The following THSD4 variants were observed in gnomAD, a reference collection of about 807,000 sequenced individuals.
THSD4 encodes the protein thrombospondin type-1 domain-containing protein 4.
A neutral mutation model predicts 119.0 loss-of-function variants in THSD4; 69 were observed. The ratio of observed to expected loss-of-function variants is 0.58; its 90% CI spans 0.48 to 0.71. The LOEUF (loss-of-function observed/expected upper bound fraction) is 0.71, where lower values mean the gene tolerates loss of function less well. THSD4 is among the 30% of genes least tolerant of loss of function. The pLI is 0.00. For synonymous variants in THSD4, 524 were observed against 540.4 expected, an observed-to-expected ratio of 0.97 and a Z score of 0.42; for missense variants, 1,393 against 1,391.1, an observed-to-expected ratio of 1.00 and a Z score of -0.02.
At chr15:71,275,778 A>G (rs2044582253) in intron 6 of THSD4, among the ~76,000 whole-genome samples, 1 of 151,994 alleles carries the variant, frequency 6.6e-6, no homozygotes, top group South Asian at 2.1e-4. Flanking sequence ...TTCTCACGGG[A>G]TCTGTTGGTT....
At chr15:71,669,694 C>T (rs1182921800) in intron 8 of THSD4, among the ~76,000 whole-genome samples, 3 of 152,126 alleles carry the variant, frequency 2.0e-5, no homozygotes, top group East Asian at 3.9e-4. Flanking sequence ...ATTCTAGGTA[C>T]GTTCAGTTGC....
chr15:71,737,275 A>G (rs1595903986), intron 10 of THSD4, among the ~76,000 whole-genome samples: 1 of 152,266 alleles, frequency 6.6e-6, no homozygotes, highest in East Asian at 1.9e-4. Context: ...ATTTCCCTCC[A>G]AAACCATGGA....
intron 7 of THSD4, among the ~76,000 whole-genome samples, chr15:71,475,953 A>G (rs1395160231): frequency 6.6e-6 from 1 of 152,154 alleles, no homozygotes; most frequent in Non-Finnish European, 1.5e-5. Flanking sequence ...TTTATTTTTT[A>G]AAAGAAGTGG....
intron 3 of THSD4, among the ~76,000 whole-genome samples, chr15:71,180,044 A>G: frequency 8.0e-6 from 1 of 125,424 alleles, no homozygotes; most frequent in Non-Finnish European, 1.7e-5. Flanking sequence ...CTAATGCTAG[A>G]TGACGAGTTA....
chr15:71,703,972 C>T (rs1476473149), intron 8 of THSD4, among the ~76,000 whole-genome samples: 1 of 152,146 alleles, frequency 6.6e-6, no homozygotes, highest in South Asian at 2.1e-4. Flanking sequence ...GCCTCAGCCT[C>T]CCGAGTAGCT....
intron 15 of THSD4, among the ~76,000 whole-genome samples, chr15:71,758,864 T>C (rs1034886560): frequency 2.0e-5 from 3 of 152,192 alleles, no homozygotes; most frequent in African/African-American, 7.2e-5. Flanking sequence ...TCCTTGTAAA[T>C]TGACACAAGC....
chr15:71,496,260 A>C (rs1048078282), intron 7 of THSD4, among the ~76,000 whole-genome samples: 1 of 152,212 alleles, frequency 6.6e-6, no homozygotes, highest in East Asian at 1.9e-4. Context: ...TTAATGTTTC[A>C]TATTAAAAAT....
chr15:71,508,687 T>G (rs2140749859), intron 7 of THSD4, among the ~76,000 whole-genome samples: 1 of 152,302 alleles, frequency 6.6e-6, no homozygotes, highest in African/African-American at 2.4e-5. Context: ...GAGATACATT[T>G]TCAGTGTAGA....
At chr15:71,248,404 A>G (rs1007797860) in intron 5 of THSD4, among the ~76,000 whole-genome samples, 3 of 152,192 alleles carry the variant, frequency 2.0e-5, no homozygotes, top group African/African-American at 7.2e-5. Context: ...TGAATGCAAC[A>G]CTTTCTCCCT....
intron 7 of THSD4, among the ~76,000 whole-genome samples, chr15:71,452,172 G>A (rs1000042259): frequency 2.0e-5 from 3 of 152,162 alleles, no homozygotes; most frequent in African/African-American, 7.2e-5. Context: ...CTTTGTGGCT[G>A]CTGTGCCAGC....
intron 6 of THSD4, among the ~76,000 whole-genome samples, chr15:71,309,193 G>A (rs1280235119): frequency 6.6e-6 from 1 of 152,196 alleles, no homozygotes; most frequent in African/African-American, 2.4e-5. Flanking sequence ...CAGGCAATCC[G>A]CCTGTCTCAG....
intron 7 of THSD4, among the ~76,000 whole-genome samples, chr15:71,652,814 A>G (rs2051118376): frequency 6.6e-6 from 1 of 152,222 alleles, no homozygotes; most frequent in African/African-American, 2.4e-5. Context: ...CGCTCGTTTT[A>G]CAATTGCTTT....
At chr15:71,743,920 A>G (rs1415766050) in intron 11 of THSD4, among the ~76,000 whole-genome samples, 5 of 152,238 alleles carry the variant, frequency 3.3e-5, no homozygotes, top group Admixed American at 3.3e-4. Flanking sequence ...TGCCTGGCCA[A>G]TTAGCAACAG....
chr15:71,472,950 C>A (rs1372863688), intron 7 of THSD4, among the ~76,000 whole-genome samples: 2 of 151,970 alleles, frequency 1.3e-5, no homozygotes, highest in Non-Finnish European at 2.9e-5. Flanking sequence ...AGACTTGTTG[C>A]AGATGCTGTT....
At chr15:71,471,013 GTTGT>G (rs147000590) in intron 7 of THSD4, among the ~76,000 whole-genome samples, 2,765 of 152,316 alleles carry the variant, frequency 0.018, 43 homozygotes, top group Non-Finnish European at 0.027. Flanking sequence ...TCTTTTTGTT[GTTGT>G]TTGTTTGTTT....
chr15:71,225,550 TC>T (rs56211552), intron 4 of THSD4, among the ~76,000 whole-genome samples: 41,275 of 99,248 alleles, frequency 0.42, 6,522 homozygotes, highest in African/African-American at 0.48. Flanking sequence ...TTTTTTTTTT[TC>T]TTTTTTTTTT....
upstream of THSD4, chr15:71,112,195 T>C: frequency 6.2e-7 from 1 of 1,613,736 alleles, no homozygotes; most frequent in Non-Finnish European, 8.5e-7. Context: ...GAGAAATGGC[T>C]GAATGTTCTG....
chr15:71,151,325 G>C (rs1233512411), intron 2 of THSD4, among the ~76,000 whole-genome samples: 2 of 151,958 alleles, frequency 1.3e-5, no homozygotes, highest in Non-Finnish European at 2.9e-5. Context: ...TGTGGCTACT[G>C]TGTGTGCCAA....
chr15:71,283,387 G>A (rs575530574), intron 6 of THSD4, among the ~76,000 whole-genome samples: 5 of 152,206 alleles, frequency 3.3e-5, no homozygotes, highest in South Asian at 2.1e-4. Flanking sequence ...ATGGTTTTAC[G>A]TCACTTATTT....
Sources: allele counts gnomAD v4.1 joint callset (sites outside exome capture counted in the v4.1 genomes callset), GRCh38; gene constraint gnomAD v4.1.1; transcripts MANE v1.5; gene names NCBI Gene and HGNC (gene_info 2026-07-23, HGNC 2026-07-21).